Variants in NTRK3 observed in about 807,000 individuals in gnomAD.
NTRK3 encodes NT-3 growth factor receptor.
In NTRK3, 24 loss-of-function variants were observed where a neutral mutation model predicts 91.7. That is an observed-to-expected ratio of 0.26 (90% CI 0.19 to 0.37). The LOEUF is 0.37. Ranked by LOEUF, NTRK3 falls within the 10% of genes least tolerant of loss-of-function variation. The pLI is 1.00. For missense variants in NTRK3, 880 were observed against 1,068.9 expected (o/e 0.82, Z 2.46); for synonymous variants, 483 against 404.0 (o/e 1.20, Z -2.34).
chr15:88,066,058 T>C (rs2046624337), intron 13 of NTRK3, among the ~76,000 whole-genome samples: 1 of 152,226 alleles, frequency 6.6e-6, no homozygotes, highest in Non-Finnish European at 1.5e-5. Flanking sequence ...AAACTCCTGA[T>C]ACAAAAGCAG....
chr15:88,178,334 C>G (rs1482999803), intron 5 of NTRK3, among the ~76,000 whole-genome samples: 1 of 152,182 alleles, frequency 6.6e-6, no homozygotes. Context: ...CCTCAATAAT[C>G]TCAAGAGAAA....
chr15:88,033,727 T>C (rs1418111842), intron 13 of NTRK3, among the ~76,000 whole-genome samples: 4 of 152,194 alleles, frequency 2.6e-5, no homozygotes, highest in East Asian at 1.9e-4. Context: ...TATCAAACCA[T>C]GGAAACAGCT....
At chr15:88,005,189 G>A (rs1379784798) in intron 14 of NTRK3, among the ~76,000 whole-genome samples, 2 of 152,100 alleles carry the variant, frequency 1.3e-5, no homozygotes, top group Non-Finnish European at 2.9e-5. Flanking sequence ...GATGCTTTCT[G>A]GACACACCCT....
At chr15:88,106,200 C>T (rs1051816947) in intron 13 of NTRK3, among the ~76,000 whole-genome samples, 1 of 152,196 alleles carries the variant, frequency 6.6e-6, no homozygotes, top group South Asian at 2.1e-4. Flanking sequence ...ATGGATGCAG[C>T]GGCTGCTACA....
At chr15:88,071,193 T>G (rs1423525394) in intron 13 of NTRK3, among the ~76,000 whole-genome samples, 2 of 152,220 alleles carry the variant, frequency 1.3e-5, no homozygotes, top group Admixed American at 6.5e-5. Flanking sequence ...CATACCTCCT[T>G]GCACCTGAGG....
chr15:88,040,486 T>A (rs974477978), intron 13 of NTRK3, among the ~76,000 whole-genome samples: 18 of 152,198 alleles, frequency 1.2e-4, no homozygotes, highest in African/African-American at 4.1e-4. Flanking sequence ...AGGAGCGGCC[T>A]CCCAGGGAAT....
chr15:87,931,233 AC>A (rs1475569164), intron 16 of NTRK3: 1 of 518,290 alleles, frequency 1.9e-6, no homozygotes, highest in Admixed American at 1.9e-5. Context: ...GGCTGGAGAT[AC>A]TGCTGAATGT....
chr15:87,979,141 T>C (rs72481814), intron 14 of NTRK3: 45 of 621,538 alleles, frequency 7.2e-5, no homozygotes, highest in Non-Finnish European at 1.1e-4. Context: ...ACAGTGATGA[T>C]TGGAGGGAAG....
At chr15:87,868,822 G>A in exon 19 of NTRK3, 1 of 223,228 alleles carries the variant, frequency 4.5e-6, no homozygotes, top group Non-Finnish European at 9.0e-6. Context: ...TTTTGTCCCA[G>A]TTGGGAGAAA....
chr15:88,185,688 C>A (rs925826832), intron 3 of NTRK3, among the ~76,000 whole-genome samples: 2 of 152,034 alleles, frequency 1.3e-5, no homozygotes, highest in African/African-American at 4.8e-5. Context: ...CAGAACTAAC[C>A]CAGGCACACT....
intron 5 of NTRK3, among the ~76,000 whole-genome samples, chr15:88,157,781 G>A (rs189243720): frequency 5.3e-5 from 8 of 152,234 alleles, no homozygotes; most frequent in Middle Eastern, 6.8e-3. Context: ...GCCAGGACCC[G>A]GAGTCCTGGA....
intron 13 of NTRK3, among the ~76,000 whole-genome samples, chr15:88,108,298 G>A (rs938921477): frequency 2.2e-4 from 34 of 152,224 alleles, no homozygotes; most frequent in African/African-American, 8.2e-4. Flanking sequence ...CAGGAAGTAA[G>A]AGTCACTGTC....
At chr15:88,167,522 T>C (rs1213643622) in intron 5 of NTRK3, among the ~76,000 whole-genome samples, 3 of 152,234 alleles carry the variant, frequency 2.0e-5, no homozygotes, top group African/African-American at 4.8e-5. Context: ...ACAGGGATGA[T>C]GGTAATTGCT....
chr15:88,096,405 C>A (rs2049603000), intron 13 of NTRK3, among the ~76,000 whole-genome samples: 1 of 152,146 alleles, frequency 6.6e-6, no homozygotes, highest in African/African-American at 2.4e-5. Flanking sequence ...TTGGGAAAAG[C>A]CCCACTGGAG....
rs143357257 is a variant in NTRK3 at position 88,073,681 on chromosome 15, G to T, written c.1397-40636C>A. Among the ~76,000 whole-genome samples the T allele has an allele frequency of 7.1e-3, 1,084 of 152,188 alleles. 20 individuals are homozygous for T. Among genetic ancestry groups the T allele is most frequent in the Admixed American group, 0.047 (711 of 15,282 alleles). ...AACAAGCTCCAGGAGTTAAATAGTTGAACTTGTTATCTTTGCCTGAAGGAC... is the reference window on the plus strand; with the variant it reads ...AACAAGCTCCAGGAGTTAAATAGTTTAACTTGTTATCTTTGCCTGAAGGAC... On this transcript the variant is annotated intron_variant, in intron 13 of 18. Coordinates refer to ENST00000394480, the Ensembl canonical transcript of NTRK3.
At chr15:88,136,071 G>A in intron 8 of NTRK3, 31 bp from the exon 9 acceptor site, 1 of 1,613,958 alleles carries the variant, frequency 6.2e-7, no homozygotes, top group East Asian at 2.2e-5. Context: ...ATAACAATCA[G>A]ATAGCTTCTA....
At chr15:88,023,686 A>G (rs886452125) in intron 14 of NTRK3, among the ~76,000 whole-genome samples, 2 of 152,080 alleles carry the variant, frequency 1.3e-5, no homozygotes, top group Admixed American at 6.5e-5. Flanking sequence ...CTGCCTCCTA[A>G]AACAACCGCA....
chr15:88,196,165 C>G (rs2047798583), intron 3 of NTRK3, among the ~76,000 whole-genome samples: 1 of 152,182 alleles, frequency 6.6e-6, no homozygotes, highest in Non-Finnish European at 1.5e-5. Flanking sequence ...AAAGTCGCTC[C>G]AAAGCTTGGG....
intron 5 of NTRK3, among the ~76,000 whole-genome samples, chr15:88,181,823 C>G (rs1044750922): frequency 3.9e-5 from 6 of 152,228 alleles, no homozygotes; most frequent in African/African-American, 1.4e-4. Context: ...GACTGGTTGC[C>G]TCTTTGGAGG....
Sources: allele counts gnomAD v4.1 joint callset (sites outside exome capture counted in the v4.1 genomes callset), GRCh38; gene constraint gnomAD v4.1.1; transcripts MANE v1.5; gene names NCBI Gene and HGNC (gene_info 2026-07-23, HGNC 2026-07-21).